TBCK: variants seen among roughly 807,000 people sequenced by gnomAD.
TBCK encodes the protein TBC1 domain containing kinase, also known as TBC domain-containing protein kinase-like protein.
TBCK carries 99 observed loss-of-function variants against 113.4 expected under a neutral mutation model. The ratio of observed to expected loss-of-function variants is 0.87; its 90% CI spans 0.74 to 1.03. The LOEUF (loss-of-function observed/expected upper bound fraction) is 1.03. Ranked by LOEUF, TBCK falls within the 50% of genes least tolerant of loss-of-function variation. The probability of loss-of-function intolerance (pLI) is 0.00; values close to 1 mark genes in which losing one functional copy is unlikely to be tolerated. For missense variants in TBCK, 1,045 were observed against 1,061.3 expected (o/e 0.98, Z 0.21); for synonymous variants, 369 against 370.8 (o/e 1.00, Z 0.05).
intron 25 of TBCK, among the ~76,000 whole-genome samples, chr4:106,083,830 A>G (rs1347196443): frequency 1.3e-5 from 2 of 152,220 alleles, no homozygotes; most frequent in Non-Finnish European, 2.9e-5. Flanking sequence ...AGGAAACTGC[A>G]GCAGCCCTAC....
At chr4:106,047,642 C>T (rs1734360382) in intron 25 of TBCK, among the ~76,000 whole-genome samples, 1 of 152,138 alleles carries the variant, frequency 6.6e-6, no homozygotes, top group African/African-American at 2.4e-5. Flanking sequence ...TTTGGCCTTA[C>T]CTCATTTATT....
chr4:106,176,974 T>A (rs954717316), intron 22 of TBCK, among the ~76,000 whole-genome samples: 1 of 149,668 alleles, frequency 6.7e-6, no homozygotes, highest in Non-Finnish European at 1.5e-5. Context: ...TTTTTTTTTT[T>A]AAATACAGGG....
At chr4:106,078,741 C>CAAA (rs36065351) in intron 25 of TBCK, among the ~76,000 whole-genome samples, 1 of 143,270 alleles carries the variant, frequency 7.0e-6, no homozygotes. Flanking sequence ...TCTAACTATT[C>CAAA]AAAAAAAAAA....
At chr4:106,179,368 G>C (rs981739855) in intron 22 of TBCK, among the ~76,000 whole-genome samples, 1 of 151,808 alleles carries the variant, frequency 6.6e-6, no homozygotes, top group African/African-American at 2.4e-5. Flanking sequence ...TCTGATGCAG[G>C]TGTTTACTGC....
At chr4:106,150,657 G>C (rs1161898846) in intron 23 of TBCK, among the ~76,000 whole-genome samples, 1 of 151,988 alleles carries the variant, frequency 6.6e-6, no homozygotes, top group Non-Finnish European at 1.5e-5. Context: ...AGCACTGGGG[G>C]TACAGGGGTG....
intron 25 of TBCK, among the ~76,000 whole-genome samples, chr4:106,048,626 C>A (rs1484393250): frequency 6.6e-6 from 1 of 152,112 alleles, no homozygotes; most frequent in East Asian, 1.9e-4. Context: ...CTCCTACATG[C>A]ACAATTCAAT....
At chr4:106,104,293 T>C (rs563281003) in intron 24 of TBCK, among the ~76,000 whole-genome samples, 12 of 152,312 alleles carry the variant, frequency 7.9e-5, no homozygotes, top group African/African-American at 2.9e-4. Context: ...TCCAGCCAGC[T>C]ACCAGCAGTG....
chr4:106,276,874 TATAAAATAAATAAA>T (rs541671972), intron 3 of TBCK, among the ~76,000 whole-genome samples: 3 of 151,676 alleles, frequency 2.0e-5, no homozygotes, highest in Admixed American at 6.6e-5. Flanking sequence ...GAGACTCCAT[TATAAAATAAATAAA>T]ATAAAATAAA....
chr4:106,083,620 C>A (rs1002511836), intron 25 of TBCK, among the ~76,000 whole-genome samples: 1 of 152,180 alleles, frequency 6.6e-6, no homozygotes, highest in African/African-American at 2.4e-5. Context: ...GCTCCCTGTG[C>A]CACCCAACTG....
At chr4:106,171,316 G>C (rs1292060954) in intron 22 of TBCK, 46 bp from the exon 23 acceptor site, 2 of 1,459,980 alleles carry the variant, frequency 1.4e-6, no homozygotes, top group Non-Finnish European at 1.9e-6. Flanking sequence ...AATTTAGATT[G>C]CTCTTTTAAT....
chr4:106,241,125 G>T (rs746664407), intron 12 of TBCK, among the ~76,000 whole-genome samples: 1 of 150,760 alleles, frequency 6.6e-6, no homozygotes, highest in Non-Finnish European at 1.5e-5. Context: ...TAAAATGTTG[G>T]AAAAAATCAT....
intron 3 of TBCK, among the ~76,000 whole-genome samples, chr4:106,288,236 T>C (rs962912405): frequency 1.3e-5 from 2 of 151,438 alleles, no homozygotes; most frequent in Non-Finnish European, 2.9e-5. Context: ...TGTACTAAAA[T>C]ACAAAAAATT....
chr4:106,165,208 G>A (rs1750229719), intron 23 of TBCK, among the ~76,000 whole-genome samples: 2 of 151,630 alleles, frequency 1.3e-5, no homozygotes, highest in Admixed American at 1.3e-4. Flanking sequence ...TATTAACCAA[G>A]ATTACATATC....
At position 106,043,118 on chromosome 4, in the gene TBCK, C is replaced by T. The variant is rs1733957246; in HGVS notation, c.*3452G>A. The T allele has an allele frequency of 6.6e-6, 1 of 152,116 alleles. No individual in the cohort carries two copies. The allele number at this position is 152,116 out of a possible 1,614,324, so 9.4% of individuals were successfully genotyped here. A position where few individuals can be genotyped will look rare whatever the true frequency, so the allele number is the denominator to read the frequency against. ...GGCCTAAAAGCTGTGCCTTTCAGGTCCTTTTCATTTCTGACATCAAAAAAC... is the reference window on the plus strand; with the variant it reads ...GGCCTAAAAGCTGTGCCTTTCAGGTTCTTTTCATTTCTGACATCAAAAAAC... On this transcript the variant is annotated 3_prime_UTR_variant, in exon 26 of 26. Coordinates refer to ENST00000394708, the MANE Select transcript of TBCK (RefSeq NM_001163435.3).
intron 23 of TBCK, among the ~76,000 whole-genome samples, chr4:106,146,184 T>C (rs1048273346): frequency 3.9e-5 from 6 of 152,014 alleles, no homozygotes; most frequent in African/African-American, 7.2e-5. Context: ...GAAAATGTGG[T>C]ACATATACAT....
At chr4:106,261,318 T>C (rs956477482) in intron 4 of TBCK, among the ~76,000 whole-genome samples, 1 of 152,090 alleles carries the variant, frequency 6.6e-6, no homozygotes, top group Non-Finnish European at 1.5e-5. Flanking sequence ...GGTCTCACAC[T>C]GTCATCCAGG....
chr4:106,217,151 T>G (rs1329034247), intron 19 of TBCK, among the ~76,000 whole-genome samples: 2 of 151,836 alleles, frequency 1.3e-5, no homozygotes, highest in Admixed American at 1.3e-4. Flanking sequence ...GAAAAGGCCT[T>G]TGACAAAATT....
chr4:106,118,773 T>C (rs1743880128), intron 23 of TBCK, among the ~76,000 whole-genome samples: 1 of 152,186 alleles, frequency 6.6e-6, no homozygotes, highest in African/African-American at 2.4e-5. Context: ...AACTGAGTGG[T>C]TTAAATAAAG....
intron 15 of TBCK, among the ~76,000 whole-genome samples, chr4:106,234,080 C>T (rs150706948): frequency 4.6e-5 from 7 of 151,904 alleles, no homozygotes; most frequent in Admixed American, 6.6e-5. Flanking sequence ...ACTGAATGAA[C>T]GACTACAAAT....
Sources: gnomAD v4.1 joint callset for allele counts (sites outside exome capture counted in the v4.1 genomes callset) on GRCh38, gnomAD v4.1.1 for gene constraint, MANE v1.5 for transcripts, NCBI Gene and HGNC (gene_info 2026-07-23, HGNC 2026-07-21) for gene names.